The following RPGRIP1L variants were observed in gnomAD, a reference collection of about 807,000 sequenced individuals.
RPGRIP1L encodes protein fantom.
In RPGRIP1L, 131 loss-of-function variants were observed where a neutral mutation model predicts 160.4. That is an observed-to-expected ratio of 0.82 (90% CI 0.71 to 0.94). The LOEUF (loss-of-function observed/expected upper bound fraction) is 0.94, where lower values mean the gene tolerates loss of function less well. Ranked by LOEUF, RPGRIP1L falls within the 40% of genes least tolerant of loss-of-function variation. The pLI, the probability that RPGRIP1L is intolerant of heterozygous loss-of-function variation, is 0.00. For synonymous variants in RPGRIP1L, 510 were observed against 515.8 expected, an observed-to-expected ratio of 0.99 and a Z score of 0.15; for missense variants, 1,522 against 1,535.8, an observed-to-expected ratio of 0.99 and a Z score of 0.15.
chr16:53,681,194 A>T (rs903588494), intron 6 of RPGRIP1L, among the ~76,000 whole-genome samples: 11 of 152,232 alleles, frequency 7.2e-5, no homozygotes, highest in African/African-American at 2.7e-4. Context: ...AGGGAAGGCA[A>T]GTCAGAGTGT....
In RPGRIP1L at chr16:53,672,973, T is replaced by C. The variant is rs1968869163; in HGVS notation, c.926A>G (p.Asn309Ser). 6.2e-7 allele frequency: 1 copy of C among 1,613,190 alleles called. No individual in the cohort carries two copies. Among genetic ancestry groups the C allele is most frequent in the Admixed American group, 1.7e-5 (1 of 59,940 alleles). Reference sequence around the variant, plus strand: ...AAGTTGCATGTTTAATTCATCCCCATTTGCCATCAAAGCATCGTGGCTGAT... The same window carrying C: ...AAGTTGCATGTTTAATTCATCCCCACTTGCCATCAAAGCATCGTGGCTGAT... ...LRISHDALMA[N>S]GDELNMQLKE... The change falls in exon 8 of 27, where the codon AAT (asparagine) becomes AGT (serine). Residue 309 changes from asparagine (N) to serine (S), a missense_variant. Coordinates refer to ENST00000647211, the MANE Select transcript of RPGRIP1L (RefSeq NM_015272.5).
chr16:53,678,358 C>G (rs924697339), intron 6 of RPGRIP1L, among the ~76,000 whole-genome samples: 4 of 152,062 alleles, frequency 2.6e-5, no homozygotes, highest in African/African-American at 9.7e-5. Context: ...CTAATGGAAG[C>G]CTTGAAAACA....
chr16:53,670,105 G>A (rs1968585197), intron 9 of RPGRIP1L, among the ~76,000 whole-genome samples: 2 of 152,072 alleles, frequency 1.3e-5, no homozygotes, highest in Non-Finnish European at 2.9e-5. Flanking sequence ...AATATAATCA[G>A]TCACTGTACA....
At position 53,600,014 on chromosome 16, in the gene RPGRIP1L, A is replaced by G. The variant is rs960290221; in HGVS notation, c.*2062T>C. 4 of 152,242 alleles carry G rather than the reference A, an allele frequency of 2.6e-5. No homozygotes were observed. The highest frequency in any genetic ancestry group is 9.6e-5 in the African/African-American group (4 of 41,472). The allele number at this position is 152,242 out of a possible 1,614,324, so 9.4% of individuals were successfully genotyped here. A position where few individuals can be genotyped will look rare whatever the true frequency, so the allele number is the denominator to read the frequency against. ...CATTCCATACAGGTGACTGGGTCCC[A>G]TAAGTTTTCTAAGAAAAACTTTTCC... On this transcript the variant is annotated 3_prime_UTR_variant, in exon 27 of 27. Coordinates refer to ENST00000647211, the MANE Select transcript of RPGRIP1L (RefSeq NM_015272.5).
intron 22 of RPGRIP1L, among the ~76,000 whole-genome samples, chr16:53,625,516 G>A (rs1598263673): frequency 1.4e-5 from 2 of 145,204 alleles, no homozygotes; most frequent in Non-Finnish European, 3.0e-5. Context: ...CCCGTCTAGG[G>A]GGTGAGGGGG....
intron 22 of RPGRIP1L, among the ~76,000 whole-genome samples, chr16:53,624,435 T>A (rs1333287255): frequency 6.6e-6 from 1 of 151,804 alleles, no homozygotes; most frequent in African/African-American, 2.4e-5. Context: ...CGCCTGGTAC[T>A]CGGGAGGCTG....
In RPGRIP1L at chr16:53,641,043, T is replaced by G. The variant is rs1186634871; in HGVS notation, c.2948A>C (p.His983Pro). 1.2e-6 allele frequency: 2 copies of G among 1,610,706 alleles called. No individual in the cohort carries two copies. Among genetic ancestry groups the G allele is most frequent in the Non-Finnish European group, 1.7e-6 (2 of 1,177,058 alleles). ...KKVSFVDIMPHQSDETSPPPE... is the reference protein window; with the variant it reads ...KKVSFVDIMPPQSDETSPPPE... ...GTGTCTACTACTTACATCACTCTGA[T>G]GTGGCATGATATCCACGAAAGATAC... The change falls in exon 19 of 27, where the codon CAT (histidine) becomes CCT (proline). Residue 983 changes from histidine to proline, a missense_variant. Coordinates refer to ENST00000647211, the MANE Select transcript of RPGRIP1L (RefSeq NM_015272.5).
At chr16:53,701,593 T>C (rs534250108) in intron 1 of RPGRIP1L, 49 of 151,666 alleles carry the variant, frequency 3.2e-4, no homozygotes, top group African/African-American at 1.2e-3. Flanking sequence ...AAACTGTGAA[T>C]GAAGATACTC....
chr16:53,697,917 G>A (rs1224138402), intron 2 of RPGRIP1L, among the ~76,000 whole-genome samples: 3 of 150,552 alleles, frequency 2.0e-5, no homozygotes, highest in African/African-American at 7.3e-5. Context: ...AGGAAGTGAG[G>A]AGCGCCTCTT....
At chr16:53,614,012 A>G (rs913666066) in intron 24 of RPGRIP1L, among the ~76,000 whole-genome samples, 1 of 152,176 alleles carries the variant, frequency 6.6e-6, no homozygotes, top group Non-Finnish European at 1.5e-5. Context: ...ATATGAAGCC[A>G]AAGTTTTCCT....
At chr16:53,685,487 A>G (rs1305260640) in intron 6 of RPGRIP1L, among the ~76,000 whole-genome samples, 1 of 152,262 alleles carries the variant, frequency 6.6e-6, no homozygotes, top group African/African-American at 2.4e-5. Context: ...AGATAAAGAT[A>G]ATGTGGTACA....
chr16:53,603,231 C>T (rs1306445527), intron 26 of RPGRIP1L, among the ~76,000 whole-genome samples: 2 of 152,242 alleles, frequency 1.3e-5, no homozygotes, highest in African/African-American at 2.4e-5. Context: ...CCTGAGACTC[C>T]ATCCCTCTGT....
chr16:53,615,470 A>ATTTTT lies in RPGRIP1L; in HGVS notation c.3616+3554_3616+3555insAAAAA, dbSNP rs1436816285. On this transcript the variant is annotated intron_variant, in intron 24 of 26. Coordinates refer to ENST00000647211, the MANE Select transcript of RPGRIP1L (RefSeq NM_015272.5). ...TCTAAGAATATATATATATATATATATATTTTTTTTTTTTTTTTTTTGAGA... is the reference window on the plus strand; with the variant it reads ...TCTAAGAATATATATATATATATATATTTTTTATTTTTTTTTTTTTTTTTTTGAGA... Among the ~76,000 whole-genome samples, 160 of 85,208 alleles carry ATTTTT rather than the reference A, an allele frequency of 1.9e-3. 5 individuals carry two copies. Among genetic ancestry groups the ATTTTT allele is most frequent in the African/African-American group, 6.4e-3 (126 of 19,804 alleles). 55.9% of individuals were successfully genotyped at this position (85,208 alleles called of 152,430 possible). A position where few individuals can be genotyped will look rare whatever the true frequency, so the allele number is the denominator to read the frequency against.
intron 2 of RPGRIP1L, 60 bp downstream of exon 2, chr16:53,700,579 T>C (rs1019659362): frequency 2.3e-6 from 3 of 1,318,342 alleles, no homozygotes; most frequent in African/African-American, 2.9e-5. Context: ...AGAAATACTT[T>C]AAATTAAAAG....
chr16:53,648,369 A>T (rs1382660369), intron 16 of RPGRIP1L, among the ~76,000 whole-genome samples: 1 of 152,162 alleles, frequency 6.6e-6, no homozygotes, highest in Non-Finnish European at 1.5e-5. Flanking sequence ...AATAATTTGG[A>T]AGCACAATAA....
rs2151351733 is a variant in RPGRIP1L, at chr16:53,692,136, T to C, written c.459A>G (p.Val153=). 1.2e-6 allele frequency: 2 copies of C among 1,614,064 alleles called. No homozygotes were observed. The highest frequency in any genetic ancestry group is 1.7e-6 in the Non-Finnish European group (2 of 1,180,020). The change falls in exon 4 of 27, where the codon GTA becomes GTG. Residue 153 remains valine (V), a synonymous_variant. Coordinates refer to ENST00000647211, the MANE Select transcript of RPGRIP1L (RefSeq NM_015272.5). Reference sequence around the variant, plus strand: ...TACGCCCAGTGTTAATACGAGATTGTACATTATTGTATGGAGTTTGCCTGT... The same window carrying C: ...TACGCCCAGTGTTAATACGAGATTGCACATTATTGTATGGAGTTTGCCTGT... The part of the protein sequence containing the change: ...QGYRQTPYNN[V]QSRINTGRRK...
chr16:53,683,724 G>A (rs1411870964), intron 6 of RPGRIP1L, among the ~76,000 whole-genome samples: 2 of 150,326 alleles, frequency 1.3e-5, no homozygotes, highest in Non-Finnish European at 3.0e-5. Context: ...TCCAGAAAGG[G>A]AAAAAATAAT....
chr16:53,657,404 T>A lies in RPGRIP1L; in HGVS notation c.1581+49A>T, dbSNP rs544159561. The A allele has an allele frequency of 1.0e-4, 130 of 1,261,838 alleles. 2 individuals are homozygous for A. The South Asian group carries it at 1.5e-3, about 15-fold the overall frequency. The allele number at this position is 1,261,838 out of a possible 1,614,324, so 78.2% of individuals were successfully genotyped here. ...CATACAGTATTTAGAAAATAAATCATCAGAATATTATAGAAAACTTACTTT... is the reference window on the plus strand; with the variant it reads ...CATACAGTATTTAGAAAATAAATCAACAGAATATTATAGAAAACTTACTTT... On this transcript the variant is annotated intron_variant, in intron 13 of 26. Transcript: ENST00000647211.
At chr16:53,617,984 T>C (rs1031173646) in intron 24 of RPGRIP1L, among the ~76,000 whole-genome samples, 4 of 152,206 alleles carry the variant, frequency 2.6e-5, no homozygotes, top group Admixed American at 1.3e-4. Flanking sequence ...TGTAGAGCTC[T>C]AGGAGAACAT....
Sources: gnomAD v4.1 joint callset for allele counts (sites outside exome capture counted in the v4.1 genomes callset) on GRCh38, gnomAD v4.1.1 for gene constraint, MANE v1.5 for transcripts, NCBI Gene and HGNC (gene_info 2026-07-23, HGNC 2026-07-21) for gene names.